Variants in STARD9 observed in about 807,000 individuals in gnomAD.
STARD9 encodes the protein StAR related lipid transfer domain containing 9, also known as stAR-related lipid transfer protein 9.
In STARD9, 346 loss-of-function variants were observed where a neutral mutation model predicts 399.8. The observed-to-expected ratio is 0.87, with a 90% CI of 0.79 to 0.95. The LOEUF (loss-of-function observed/expected upper bound fraction) is 0.95. Ranked by LOEUF, STARD9 falls within the 40% of genes least tolerant of loss-of-function variation. The pLI, the probability that STARD9 is intolerant of heterozygous loss-of-function variation, is 0.00. For missense variants in STARD9, 5,832 were observed against 5,667.5 expected (o/e 1.03, Z -0.93); for synonymous variants, 2,203 against 2,143.5 (o/e 1.03, Z -0.77).
At chr15:42,607,600 C>T (rs1479441119) in intron 3 of STARD9, among the ~76,000 whole-genome samples, 7 of 151,102 alleles carry the variant, frequency 4.6e-5, no homozygotes, top group Non-Finnish European at 1.0e-4. Flanking sequence ...AATACAGGAC[C>T]TCCAGACTGA....
chr15:42,693,734 G>A lies in STARD9; in HGVS notation c.12156G>A (p.Trp4052Ter). The A allele has an allele frequency of 1.3e-6, 2 of 1,536,852 alleles. No homozygotes were observed. The highest frequency in any genetic ancestry group is 1.2e-5 in the South Asian group (1 of 84,062). ...CPLSGREPSQWQSRTENGGES... is the reference protein window; with the variant it reads ...CPLSGREPSQ Reference sequence around the variant, plus strand: ...TGAGCGGTAGGGAGCCAAGTCAGTGGCAGAGCAGGACAGAAAATGGAGGTG... The same window carrying A: ...TGAGCGGTAGGGAGCCAAGTCAGTGACAGAGCAGGACAGAAAATGGAGGTG... Residue 4052 changes from tryptophan to a stop codon, truncating the protein, a stop_gained, in exon 23 of 33, where the codon TGG becomes TGA. Transcript: ENST00000290607. LOFTEE classifies it high-confidence loss of function.
intron 28 of STARD9, 28 bp from the exon 29 acceptor site, chr15:42,717,703 A>C: frequency 6.5e-7 from 1 of 1,535,156 alleles, no homozygotes; most frequent in Non-Finnish European, 8.7e-7. Context: ...TGTGCCTCCT[A>C]ATTTGGGTGT....
At position 42,692,047 on chromosome 15, in the gene STARD9, GTGCAGTCGATGTTTCC is replaced by G. The variant is rs1333659490; in HGVS notation, c.10475_10490del (p.Val3492AlafsTer7). 6.5e-7 allele frequency: 1 copy of G among 1,537,172 alleles called. No homozygotes were observed. The highest frequency in any genetic ancestry group is 2.4e-5 in the East Asian group (1 of 40,932). On this transcript the variant is annotated frameshift_variant, in exon 23 of 33. Coordinates refer to ENST00000290607, the MANE Select transcript of STARD9 (RefSeq NM_020759.3). LOFTEE classifies it high-confidence loss of function. ...AGCTGGAAGCAGTATATGTCTGGCAGTGCAGTCGATGTTTCCTGCAGCCAGAAGCCCCAGGGGCTGA... is the reference window on the plus strand; with the variant it reads ...AGCTGGAAGCAGTATATGTCTGGCAGTGCAGCCAGAAGCCCCAGGGGCTGA...
chr15:42,659,419 A>G (rs1370972920), intron 9 of STARD9, among the ~76,000 whole-genome samples: 1 of 152,228 alleles, frequency 6.6e-6, no homozygotes, highest in Non-Finnish European at 1.5e-5. Context: ...TATACTAAAT[A>G]TCAGCAAGTT....
At chr15:42,663,215 GT>G (rs1355225682) in intron 11 of STARD9, 65 bp from the exon 12 acceptor site, 5 of 1,376,912 alleles carry the variant, frequency 3.6e-6, no homozygotes, top group African/African-American at 2.9e-5. Flanking sequence ...TCCAACCATT[GT>G]TTTGTTTTAA....
At chr15:42,609,359 C>T (rs532451462) in intron 3 of STARD9, among the ~76,000 whole-genome samples, 28 of 152,060 alleles carry the variant, frequency 1.8e-4, no homozygotes, top group Admixed American at 1.3e-4. Context: ...GAACACACTT[C>T]TGCAGAAGAG....
intron 12 of STARD9, 101 bp downstream of exon 12, chr15:42,663,591 T>C: frequency 3.2e-6 from 2 of 624,380 alleles, no homozygotes; most frequent in Non-Finnish European, 5.6e-6. Context: ...TGGATCTGTG[T>C]TGGGACTGGT....
chr15:42,694,655 G>T lies in STARD9; in HGVS notation c.12892G>T (p.Asp4298Tyr). 6.5e-7 allele frequency: 1 copy of T among 1,537,206 alleles called. No homozygotes were observed. The highest frequency in any genetic ancestry group is 8.7e-7 in the Non-Finnish European group (1 of 1,146,906). Residue 4298 changes from aspartate to tyrosine, a missense_variant, in exon 24 of 33, where the codon GAT becomes TAT. Physicochemically the swap from Asp to Tyr is radical, Grantham distance 160. This residue lies in a region of STARD9 where 5,828 missense variants were observed against 5,651.1 expected (regional missense o/e 1.03). Coordinates refer to ENST00000290607, the MANE Select transcript of STARD9 (RefSeq NM_020759.3). ...LLPNKDLFIW[D>Y]LDLPSRRREY... ...GCCCAACAAAGATCTCTTCATCTGG[G>T]ATCTTGACTTGCCCAGCAGACGCCG... is the stretch of plus-strand genomic sequence containing the variant.
intron 3 of STARD9, among the ~76,000 whole-genome samples, chr15:42,590,739 GAGAC>G (rs1246431286): frequency 1.3e-5 from 2 of 152,116 alleles, no homozygotes; most frequent in Non-Finnish European, 2.9e-5. Context: ...GAAGGGGAAG[GAGAC>G]AGTCTTGTCA....
chr15:42,584,818 A>G (rs2058242278), intron 2 of STARD9, among the ~76,000 whole-genome samples: 1 of 152,200 alleles, frequency 6.6e-6, no homozygotes, highest in Non-Finnish European at 1.5e-5. Flanking sequence ...TGGCCAAACT[A>G]CTCACGTACT....
At chr15:42,700,609 C>A (rs1356806000) in intron 26 of STARD9, among the ~76,000 whole-genome samples, 1 of 152,086 alleles carries the variant, frequency 6.6e-6, no homozygotes, top group Non-Finnish European at 1.5e-5. Flanking sequence ...GGTTTTTGCC[C>A]ATTTTAAAGT....
Position 42,690,192 on chromosome 15 carries a change from CAGT to C in STARD9, c.8615_8617del (p.Gln2872_Cys2873delinsArg), listed in dbSNP as rs1160099677. The C allele has an allele frequency of 3.3e-6, 5 of 1,537,598 alleles. No individual in the cohort carries two copies. In the African/African-American group the frequency reaches 6.8e-5, roughly 21 times the overall value. The stretch of plus-strand genomic sequence containing the variant: ...GGTTGCACTGGAAGCTCCCACACAG[CAGT>C]GTGTGCAGTGTAAGGAGAGTGTTGG... On this transcript the variant is annotated inframe_deletion, in exon 23 of 33. Transcript: ENST00000290607.
Position 42,694,511 on chromosome 15 carries a change from A to G in STARD9, c.12765-17A>G. The G allele has an allele frequency of 1.3e-6, 2 of 1,536,804 alleles. No homozygotes were observed. The highest frequency in any genetic ancestry group is 2.4e-5 in the South Asian group (2 of 84,062). On this transcript the variant is annotated splice_polypyrimidine_tract_variant and intron_variant, in intron 23 of 32. Coordinates refer to ENST00000290607, the MANE Select transcript of STARD9 (RefSeq NM_020759.3). ...GGACATTCAGGGCCAGCTTCAGCGAATCGTGTTTTGCCTCAGGCAAAAAAA... is the reference window on the plus strand; with the variant it reads ...GGACATTCAGGGCCAGCTTCAGCGAGTCGTGTTTTGCCTCAGGCAAAAAAA...
intron 3 of STARD9, among the ~76,000 whole-genome samples, chr15:42,619,691 G>A (rs890330337): frequency 6.6e-6 from 1 of 152,198 alleles, no homozygotes; most frequent in Non-Finnish European, 1.5e-5. Flanking sequence ...AGGCAATGAA[G>A]TGAGCAATGG....
chr15:42,596,030 G>A (rs1365696443), intron 3 of STARD9, among the ~76,000 whole-genome samples: 1 of 152,170 alleles, frequency 6.6e-6, no homozygotes, highest in Admixed American at 6.5e-5. Context: ...TGCTGCTCGT[G>A]GCACATGACT....
intron 4 of STARD9, among the ~76,000 whole-genome samples, chr15:42,637,538 T>C (rs1446639097): frequency 6.6e-6 from 1 of 152,164 alleles, no homozygotes; most frequent in East Asian, 1.9e-4. Context: ...TGAATACTCA[T>C]ATACTCTTGT....
At chr15:42,590,426 A>G (rs1252608948) in intron 3 of STARD9, among the ~76,000 whole-genome samples, 2 of 152,200 alleles carry the variant, frequency 1.3e-5, no homozygotes, top group Non-Finnish European at 1.5e-5. Context: ...TCAGATATCA[A>G]AATATCTGAG....
chr15:42,665,774 A>T lies in STARD9; in HGVS notation c.1255-12A>T, dbSNP rs1047047626. On this transcript the variant is annotated splice_polypyrimidine_tract_variant and intron_variant, in intron 14 of 32. Coordinates refer to ENST00000290607, the MANE Select transcript of STARD9 (RefSeq NM_020759.3). ...CAGGAAAATATCAAAGCACATCTCT[A>T]TCTTTGTGCAGAGAAACTTCAGTTC... 44 of 1,536,852 alleles carry T rather than the reference A, an allele frequency of 2.9e-5. No homozygotes were observed. The East Asian group carries it at 9.8e-4, about 34-fold the overall frequency.
intron 3 of STARD9, among the ~76,000 whole-genome samples, chr15:42,605,405 T>C (rs1032856808): frequency 7.2e-5 from 11 of 152,160 alleles, no homozygotes; most frequent in Non-Finnish European, 1.6e-4. Flanking sequence ...GGTGACCAGA[T>C]GTGCCCAGGC....
Sources: allele counts gnomAD v4.1 joint callset (sites outside exome capture counted in the v4.1 genomes callset), GRCh38; gene constraint gnomAD v4.1.1; regional missense constraint gnomAD v4.1.1; transcripts MANE v1.5; gene names NCBI Gene and HGNC (gene_info 2026-07-23, HGNC 2026-07-21).